SPECC1: variants seen among roughly 807,000 people sequenced by gnomAD.
SPECC1 encodes the protein sperm antigen with calponin homology and coiled-coil domains 1.
Under a neutral mutation model 104.1 loss-of-function variants are expected in SPECC1, and 62 were observed. That is an observed-to-expected ratio of 0.60 (90% CI 0.49 to 0.74). The LOEUF (loss-of-function observed/expected upper bound fraction) is 0.74, where lower values mean the gene tolerates loss of function less well. Ranked by LOEUF, SPECC1 falls within the 30% of genes least tolerant of loss-of-function variation. The pLI, the probability that SPECC1 is intolerant of heterozygous loss-of-function variation, is 0.00. For synonymous variants in SPECC1, 513 were observed against 501.6 expected, an observed-to-expected ratio of 1.02 and a Z score of -0.30; for missense variants, 1,306 against 1,310.5, an observed-to-expected ratio of 1.00 and a Z score of 0.05.
chr17:20,314,362 T>A lies in SPECC1; in HGVS notation c.*297T>A, dbSNP rs754150855. On this transcript the variant is annotated 3_prime_UTR_variant, in exon 15 of 15. Coordinates refer to ENST00000395527, the MANE Select transcript of SPECC1 (RefSeq NM_001243439.2). ...CAAGACCCCACACCCAGGCTTGTTT[T>A]GCTGATTATATTGGGTGGCTGAACG... 2.2e-5 allele frequency: 9 copies of A among 401,820 alleles called. No individual in the cohort carries two copies. The highest frequency in any genetic ancestry group is 6.9e-5 in the Admixed American group (2 of 28,784). The allele number at this position is 401,820 out of a possible 1,614,324, so 24.9% of individuals were successfully genotyped here.
At chr17:20,234,593 T>C (rs1264497915) in intron 7 of SPECC1, among the ~76,000 whole-genome samples, 2 of 152,198 alleles carry the variant, frequency 1.3e-5, no homozygotes, top group Non-Finnish European at 2.9e-5. Context: ...TTGACAGTCA[T>C]CTAGTGAGAA....
chr17:20,068,765 C>A (rs889242627), intron 1 of SPECC1, among the ~76,000 whole-genome samples: 1 of 152,170 alleles, frequency 6.6e-6, no homozygotes, highest in African/African-American at 2.4e-5. Context: ...CTTCTTTTCA[C>A]GTGCTTGTTG....
intron 1 of SPECC1, among the ~76,000 whole-genome samples, chr17:20,025,502 T>G (rs1353871855): frequency 6.6e-6 from 1 of 152,184 alleles, no homozygotes. Flanking sequence ...TCACTTAGCA[T>G]AAGGTTTCCG....
At chr17:20,178,812 C>T (rs2034656809) in intron 3 of SPECC1, among the ~76,000 whole-genome samples, 1 of 152,214 alleles carries the variant, frequency 6.6e-6, no homozygotes, top group African/African-American at 2.4e-5. Flanking sequence ...AGAAACCCAT[C>T]TGAGCTGAAT....
chr17:20,285,752 C>A (rs553756994), intron 12 of SPECC1, among the ~76,000 whole-genome samples: 3 of 151,780 alleles, frequency 2.0e-5, no homozygotes, highest in Non-Finnish European at 2.9e-5. Flanking sequence ...TCCTTCTTCC[C>A]TCCCCCTCCC....
chr17:20,157,516 A>C (rs1400781476), intron 3 of SPECC1, among the ~76,000 whole-genome samples: 2 of 152,178 alleles, frequency 1.3e-5, no homozygotes, highest in Non-Finnish European at 2.9e-5. Flanking sequence ...TTGGTAAAGG[A>C]TTGGTTCGGT....
intron 2 of SPECC1, among the ~76,000 whole-genome samples, chr17:20,102,958 A>C (rs1297350257): frequency 6.6e-6 from 1 of 152,164 alleles, no homozygotes; most frequent in Non-Finnish European, 1.5e-5. Flanking sequence ...TCAGAGCAAC[A>C]CTCTGAAGTG....
chr17:20,131,063 T>C (rs1301607023), intron 3 of SPECC1, among the ~76,000 whole-genome samples: 3 of 152,272 alleles, frequency 2.0e-5, no homozygotes, highest in Non-Finnish European at 1.5e-5. Flanking sequence ...GATATTTATA[T>C]GTTTGCCTTA....
At chr17:20,268,666 G>A (rs1181324856) in intron 12 of SPECC1, among the ~76,000 whole-genome samples, 1 of 152,172 alleles carries the variant, frequency 6.6e-6, no homozygotes, top group Non-Finnish European at 1.5e-5. Context: ...CTCTGCTTCT[G>A]TACCGTTTCT....
chr17:20,039,873 T>C (rs914433531), intron 1 of SPECC1, among the ~76,000 whole-genome samples: 2 of 152,194 alleles, frequency 1.3e-5, no homozygotes, highest in African/African-American at 2.4e-5. Context: ...AGGTTTCTTA[T>C]AGCTATGTTT....
intron 3 of SPECC1, chr17:20,126,562 T>C (rs919411188): frequency 2.6e-5 from 4 of 152,204 alleles, no homozygotes; most frequent in African/African-American, 9.6e-5. Flanking sequence ...TCCTCTCTTC[T>C]TAGCACTAAT....
In SPECC1 at chr17:20,109,777, C is replaced by A. The variant is rs566907799; in HGVS notation, c.148-650C>A. Among the ~76,000 whole-genome samples, 6 of 152,280 alleles carry A rather than the reference C, an allele frequency of 3.9e-5. No homozygotes were observed. In the South Asian group the frequency reaches 1.2e-3, roughly 32 times the overall value. ...GGAATTTCTTTTGCATTGCCCTACC[C>A]TGCCTTTTGTGCATCTCCCAGTTCT... On this transcript the variant is annotated intron_variant, in intron 2 of 14. Coordinates refer to ENST00000395527, the MANE Select transcript of SPECC1 (RefSeq NM_001243439.2).
chr17:20,157,804 C>G (rs545291816), intron 3 of SPECC1, among the ~76,000 whole-genome samples: 10 of 152,154 alleles, frequency 6.6e-5, no homozygotes, highest in Admixed American at 2.0e-4. Flanking sequence ...AATGGGAACT[C>G]TGATTTGCTG....
At chr17:20,077,839 G>A (rs2046820271) in intron 1 of SPECC1, among the ~76,000 whole-genome samples, 1 of 152,070 alleles carries the variant, frequency 6.6e-6, no homozygotes, top group Admixed American at 6.6e-5. Context: ...TTCTGGTTAA[G>A]CCCATAGGCA....
chr17:20,200,124 A>G (rs1447988994), intron 3 of SPECC1, among the ~76,000 whole-genome samples: 2 of 152,094 alleles, frequency 1.3e-5, no homozygotes, highest in Non-Finnish European at 2.9e-5. Context: ...TGATTAGTGC[A>G]TTTTTTTCAT....
intron 7 of SPECC1, chr17:20,237,118 T>G: frequency 7.2e-7 from 1 of 1,392,950 alleles, no homozygotes. Flanking sequence ...CTTTTTACTT[T>G]TCCTCAGAAG....
chr17:20,276,988 C>T (rs1386746424), intron 12 of SPECC1, among the ~76,000 whole-genome samples: 2 of 152,308 alleles, frequency 1.3e-5, no homozygotes, highest in Non-Finnish European at 1.5e-5. Flanking sequence ...AAGTCAGGGC[C>T]GTACCTGGGA....
chr17:20,103,235 C>A (rs1345686857), intron 2 of SPECC1, among the ~76,000 whole-genome samples: 1 of 152,176 alleles, frequency 6.6e-6, no homozygotes, highest in Non-Finnish European at 1.5e-5. Flanking sequence ...GAATGCCTCC[C>A]TGCCCTCTCT....
chr17:20,024,688 C>T (rs2044531551), intron 1 of SPECC1, among the ~76,000 whole-genome samples: 1 of 152,088 alleles, frequency 6.6e-6, no homozygotes, highest in Non-Finnish European at 1.5e-5. Flanking sequence ...GGGTTTTTCC[C>T]CCTTGTTTTC....
Sources: gnomAD v4.1 joint callset for allele counts (sites outside exome capture counted in the v4.1 genomes callset) on GRCh38, gnomAD v4.1.1 for gene constraint, MANE v1.5 for transcripts, NCBI Gene and HGNC (gene_info 2026-07-23, HGNC 2026-07-21) for gene names.